Variants in NTRK3 observed in about 807,000 individuals in gnomAD.
NTRK3 encodes the protein neurotrophic receptor tyrosine kinase 3, also known as NT-3 growth factor receptor.
In NTRK3, 24 loss-of-function variants were observed where a neutral mutation model predicts 91.7. The observed-to-expected ratio is 0.26, with a 90% CI of 0.19 to 0.37. The LOEUF (loss-of-function observed/expected upper bound fraction) is 0.37. NTRK3 is among the 10% of genes least tolerant of loss of function. The probability of loss-of-function intolerance (pLI) is 1.00; values close to 1 mark genes in which losing one functional copy is unlikely to be tolerated. For missense variants in NTRK3, 880 were observed against 1,068.9 expected, an observed-to-expected ratio of 0.82 and a Z score of 2.46; for synonymous variants, 483 against 404.0, an observed-to-expected ratio of 1.20 and a Z score of -2.34.
chr15:88,204,667 G>A (rs554598858), intron 3 of NTRK3, among the ~76,000 whole-genome samples: 3 of 152,178 alleles, frequency 2.0e-5, no homozygotes, highest in Non-Finnish European at 4.4e-5. Context: ...CTTTCTGGAT[G>A]AACTAATCAG....
chr15:87,904,997 G>A (rs1353402491), intron 17 of NTRK3, among the ~76,000 whole-genome samples: 3 of 152,158 alleles, frequency 2.0e-5, no homozygotes, highest in Non-Finnish European at 4.4e-5. Flanking sequence ...AAATGACGGG[G>A]GAAACTAGAC....
chr15:87,908,672 G>A, intron 17 of NTRK3: 1 of 397,514 alleles, frequency 2.5e-6, no homozygotes, highest in Non-Finnish European at 4.4e-6. Flanking sequence ...GGAAAGCAGG[G>A]GGATCTTTAA....
At chr15:87,893,267 C>T in intron 17 of NTRK3, among the ~76,000 whole-genome samples, 1 of 152,190 alleles carries the variant, frequency 6.6e-6, no homozygotes, top group South Asian at 2.1e-4. Context: ...AGCAGTTCCA[C>T]CTCCAGCCCT....
intron 17 of NTRK3, among the ~76,000 whole-genome samples, chr15:87,891,338 G>A (rs1282105307): frequency 6.6e-6 from 1 of 152,112 alleles, no homozygotes; most frequent in Admixed American, 6.5e-5. Context: ...TTTGTTTCAT[G>A]TTTGCTTTTA....
At chr15:87,962,357 C>G (rs2072380699) in intron 14 of NTRK3, among the ~76,000 whole-genome samples, 1 of 152,138 alleles carries the variant, frequency 6.6e-6, no homozygotes, top group Non-Finnish European at 1.5e-5. Context: ...TCCTGCCTGA[C>G]CATCTTTGGC....
At chr15:87,950,335 T>C (rs970906107) in intron 14 of NTRK3, among the ~76,000 whole-genome samples, 1 of 152,170 alleles carries the variant, frequency 6.6e-6, no homozygotes, top group East Asian at 1.9e-4. Context: ...GGACACACCA[T>C]TGACCTTGAC....
chr15:87,989,113 G>C (rs1352757752), intron 14 of NTRK3, among the ~76,000 whole-genome samples: 2 of 152,068 alleles, frequency 1.3e-5, no homozygotes, highest in African/African-American at 4.8e-5. Flanking sequence ...CAAGGATCTA[G>C]AACTAGAGAT....
chr15:88,109,574 C>A (rs1446354771), intron 13 of NTRK3, among the ~76,000 whole-genome samples: 1 of 152,226 alleles, frequency 6.6e-6, no homozygotes, highest in Non-Finnish European at 1.5e-5. Flanking sequence ...ATGTTTTCAG[C>A]CCGCATCCCT....
chr15:88,019,903 C>T (rs1409359433), intron 14 of NTRK3, among the ~76,000 whole-genome samples: 1 of 152,152 alleles, frequency 6.6e-6, no homozygotes, highest in Non-Finnish European at 1.5e-5. Flanking sequence ...TCAACTGATA[C>T]AATCAGTGTC....
At chr15:87,912,931 A>AAAAAATATAT (rs1484111389) in intron 17 of NTRK3, among the ~76,000 whole-genome samples, 4 of 36,500 alleles carry the variant, frequency 1.1e-4, no homozygotes, top group East Asian at 7.9e-4. Context: ...AGTAAAAAAA[A>AAAAAATATAT]ATATATATAT....
exon 19 of NTRK3, chr15:87,864,600 T>C (rs1276067470): frequency 4.3e-6 from 1 of 230,646 alleles, no homozygotes; most frequent in Non-Finnish European, 8.6e-6. Flanking sequence ...ATTATCAGAA[T>C]AAATTATGAA....
At chr15:88,239,136 C>T (rs1404965551) in intron 3 of NTRK3, among the ~76,000 whole-genome samples, 1 of 151,958 alleles carries the variant, frequency 6.6e-6, no homozygotes, top group African/African-American at 2.4e-5. Flanking sequence ...CAACAAAGAA[C>T]CTCTCAAAGG....
At chr15:88,177,169 A>T (rs1041088578) in intron 5 of NTRK3, among the ~76,000 whole-genome samples, 1 of 152,186 alleles carries the variant, frequency 6.6e-6, no homozygotes, top group African/African-American at 2.4e-5. Context: ...GGAGACAGAA[A>T]CTATATCCAT....
At chr15:87,943,710 C>T (rs2070135912) in intron 14 of NTRK3, among the ~76,000 whole-genome samples, 1 of 152,028 alleles carries the variant, frequency 6.6e-6, no homozygotes, top group South Asian at 2.1e-4. Context: ...GAATCACAAC[C>T]CCTGAGAGAT....
chr15:88,230,509 A>C (rs2051088463), intron 3 of NTRK3, among the ~76,000 whole-genome samples: 1 of 152,200 alleles, frequency 6.6e-6, no homozygotes. Flanking sequence ...GGAACAAAAA[A>C]ATCTGGCCAG....
chr15:87,919,630 T>C (rs1335175314), intron 17 of NTRK3, among the ~76,000 whole-genome samples: 1 of 152,196 alleles, frequency 6.6e-6, no homozygotes, highest in East Asian at 1.9e-4. Flanking sequence ...AATTAGATAA[T>C]CCTCATCCTT....
At chr15:87,986,494 T>C (rs920525529) in intron 14 of NTRK3, among the ~76,000 whole-genome samples, 13 of 152,222 alleles carry the variant, frequency 8.5e-5, no homozygotes, top group Middle Eastern at 3.2e-3. Context: ...TCAGGAATCT[T>C]GAAATAATTT....
At position 88,218,480 on chromosome 15, in the gene NTRK3, T is replaced by C. The variant is rs370667749; in HGVS notation, c.249-34181A>G. ...CCTCCTCTGTAAAATGGGATAATAATGCTCATCAACTAGCCCTGTCCTGGG... is the reference window on the plus strand; with the variant it reads ...CCTCCTCTGTAAAATGGGATAATAACGCTCATCAACTAGCCCTGTCCTGGG... On this transcript the variant is annotated intron_variant, in intron 3 of 18. Coordinates refer to ENST00000394480, the Ensembl canonical transcript of NTRK3. Among the ~76,000 whole-genome samples the C allele has an allele frequency of 4.4e-3, 663 of 152,304 alleles. 3 individuals carry two copies. Among genetic ancestry groups the C allele is most frequent in the Non-Finnish European group, 5.9e-3 (400 of 68,018 alleles).
At chr15:87,910,999 T>C (rs2067059283) in intron 17 of NTRK3, among the ~76,000 whole-genome samples, 1 of 152,178 alleles carries the variant, frequency 6.6e-6, no homozygotes, top group Non-Finnish European at 1.5e-5. Context: ...CTTATTTCAA[T>C]ATTCAGGCAA....
Sources: allele counts gnomAD v4.1 joint callset (sites outside exome capture counted in the v4.1 genomes callset), GRCh38; gene constraint gnomAD v4.1.1; transcripts MANE v1.5; gene names NCBI Gene and HGNC (gene_info 2026-07-23, HGNC 2026-07-21).